NELL1: variants seen among roughly 807,000 people sequenced by gnomAD.
NELL1 encodes protein kinase C-binding protein NELL1.
A neutral mutation model predicts 107.4 loss-of-function variants in NELL1; 76 were observed. The observed-to-expected ratio is 0.71, with a 90% confidence interval of 0.59 to 0.86. NELL1 has a LOEUF of 0.86. NELL1 is among the 40% of genes least tolerant of loss of function. NELL1 has a pLI of 0.00. For missense variants in NELL1, 1,024 were observed against 1,005.5 expected, an observed-to-expected ratio of 1.02 and a Z score of -0.25; for synonymous variants, 353 against 341.2, an observed-to-expected ratio of 1.03 and a Z score of -0.38.
intron 12 of NELL1, among the ~76,000 whole-genome samples, chr11:20,989,808 C>T (rs1005933861): frequency 2.6e-5 from 4 of 151,926 alleles, no homozygotes; most frequent in South Asian, 4.2e-4. Context: ...CTGGCTAACA[C>T]GGTGAAACCC....
intron 3 of NELL1, among the ~76,000 whole-genome samples, chr11:20,801,624 G>A (rs556017647): frequency 5.9e-5 from 9 of 152,268 alleles, no homozygotes; most frequent in Admixed American, 5.2e-4. Flanking sequence ...GCCTATGCTT[G>A]TAGGGTAGTA....
chr11:20,752,309 G>T (rs1014161453), intron 2 of NELL1, among the ~76,000 whole-genome samples: 1 of 152,096 alleles, frequency 6.6e-6, no homozygotes, highest in Non-Finnish European at 1.5e-5. Flanking sequence ...CAGCAGTTTG[G>T]GAGGCCGAGG....
chr11:20,918,550 A>C (rs1383078726), intron 6 of NELL1, among the ~76,000 whole-genome samples: 1 of 152,030 alleles, frequency 6.6e-6, no homozygotes, highest in Non-Finnish European at 1.5e-5. Context: ...GAGGCCTCGC[A>C]ATCATAGTGG....
chr11:21,497,545 CG>C (rs1223991341), intron 15 of NELL1, among the ~76,000 whole-genome samples: 4 of 151,712 alleles, frequency 2.6e-5, no homozygotes, highest in African/African-American at 7.3e-5. Flanking sequence ...CATTTAATTG[CG>C]TTAGTTAATG....
At position 21,194,852 on chromosome 11, in the gene NELL1, C is replaced by G. The variant is rs575821500; in HGVS notation, c.1427-34480C>G. ...TATGCAAAAGGTGCTTAGCACAGAC[C>G]CGAGTCTAGAACTAGGGCATACACC... is the stretch of plus-strand genomic sequence containing the variant. On this transcript the variant is annotated intron_variant, in intron 13 of 19. Coordinates refer to ENST00000357134, the MANE Select transcript of NELL1 (RefSeq NM_006157.5). Among the ~76,000 whole-genome samples the G allele has an allele frequency of 1.2e-4, 18 of 152,124 alleles. 1 individual carries two copies. In the South Asian group the frequency reaches 3.3e-3, roughly 28 times the overall value.
At chr11:21,155,201 C>A (rs1336756757) in intron 13 of NELL1, among the ~76,000 whole-genome samples, 8 of 152,100 alleles carry the variant, frequency 5.3e-5, no homozygotes, top group African/African-American at 1.9e-4. Flanking sequence ...TATTACTAAC[C>A]AAGAGGTTTC....
intron 15 of NELL1, among the ~76,000 whole-genome samples, chr11:21,502,052 A>G (rs1855157570): frequency 6.6e-6 from 1 of 152,184 alleles, no homozygotes; most frequent in East Asian, 1.9e-4. Flanking sequence ...CTGAAGGCTT[A>G]GAAGGCAAAT....
At chr11:21,278,804 A>AC (rs1160688890) in intron 14 of NELL1, among the ~76,000 whole-genome samples, 2 of 152,168 alleles carry the variant, frequency 1.3e-5, no homozygotes, top group Non-Finnish European at 2.9e-5. Flanking sequence ...ATATGGACAG[A>AC]CAAAGACTCA....
chr11:21,295,712 T>C (rs764747999), intron 14 of NELL1, among the ~76,000 whole-genome samples: 3 of 152,038 alleles, frequency 2.0e-5, no homozygotes, highest in Non-Finnish European at 4.4e-5. Context: ...GGAGTTTCCC[T>C]GACAACTTGC....
rs571353760 is a variant in NELL1 at position 20,719,925 on chromosome 11, G to C, written c.184+41865G>C. Among the ~76,000 whole-genome samples, 5 of 152,112 alleles carry C rather than the reference G, an allele frequency of 3.3e-5. No homozygotes were observed. The East Asian group carries it at 9.7e-4, about 29-fold the overall frequency. ...ACTGTTAGTCACTTTTCTTTATCTC[G>C]TCCAACTGAAAAGATTCACTGGTAC... On this transcript the variant is annotated intron_variant, in intron 2 of 19. Transcript: ENST00000357134.
chr11:21,175,529 A>G (rs1008190155), intron 13 of NELL1, among the ~76,000 whole-genome samples: 3 of 151,862 alleles, frequency 2.0e-5, no homozygotes, highest in African/African-American at 7.3e-5. Context: ...TCCAATTTAG[A>G]ACTTAATAGT....
intron 12 of NELL1, among the ~76,000 whole-genome samples, chr11:21,043,035 C>A (rs16907322): frequency 0.083 from 12,682 of 152,076 alleles, 680 homozygotes; most frequent in South Asian, 0.2. Flanking sequence ...AAATTGCTTA[C>A]GGTGCTATTA....
At chr11:20,734,304 G>T (rs1309549946) in intron 2 of NELL1, among the ~76,000 whole-genome samples, 2 of 152,152 alleles carry the variant, frequency 1.3e-5, no homozygotes, top group African/African-American at 4.8e-5. Context: ...TTCCATGGGT[G>T]GGAAGCAGTT....
intron 15 of NELL1, among the ~76,000 whole-genome samples, chr11:21,408,132 C>G (rs1852279745): frequency 6.6e-6 from 1 of 151,720 alleles, no homozygotes; most frequent in African/African-American, 2.4e-5. Context: ...TTCTTGAGAT[C>G]CCAGGTACTT....
chr11:21,400,392 C>T (rs1257421023), intron 15 of NELL1, among the ~76,000 whole-genome samples: 2 of 151,794 alleles, frequency 1.3e-5, no homozygotes, highest in Admixed American at 6.6e-5. Context: ...AGCTATTGGT[C>T]CTAGGTCTCT....
intron 9 of NELL1, among the ~76,000 whole-genome samples, chr11:20,937,294 A>C (rs952422378): frequency 2.6e-5 from 4 of 152,018 alleles, no homozygotes; most frequent in Non-Finnish European, 4.4e-5. Context: ...TGTATTTCTC[A>C]CTTGTCTCAC....
At chr11:21,110,340 G>T (rs1376685193) in intron 12 of NELL1, among the ~76,000 whole-genome samples, 1 of 152,046 alleles carries the variant, frequency 6.6e-6, no homozygotes, top group Non-Finnish European at 1.5e-5. Flanking sequence ...AGAGAGCAAG[G>T]GTTGGATTAA....
chr11:21,536,958 G>C (rs1432635184), intron 16 of NELL1, among the ~76,000 whole-genome samples: 1 of 152,140 alleles, frequency 6.6e-6, no homozygotes. Flanking sequence ...CACTCTCAAG[G>C]AGCGTCTTTC....
chr11:21,481,015 T>C (rs1386876739), intron 15 of NELL1, among the ~76,000 whole-genome samples: 1 of 152,198 alleles, frequency 6.6e-6, no homozygotes, highest in East Asian at 1.9e-4. Context: ...CCTCAGTTTA[T>C]TCCTCAATAA....
Sources: allele counts gnomAD v4.1 joint callset (sites outside exome capture counted in the v4.1 genomes callset), GRCh38; gene constraint gnomAD v4.1.1; transcripts MANE v1.5; gene names NCBI Gene and HGNC (gene_info 2026-07-23, HGNC 2026-07-21).